LMBR1: variants seen among roughly 807,000 people sequenced by gnomAD.
LMBR1 encodes the protein limb development membrane protein 1.
LMBR1 carries 52 observed loss-of-function variants against 73.9 expected under a neutral mutation model. The observed-to-expected ratio is 0.70, with a 90% CI of 0.56 to 0.89. The LOEUF is 0.89. Among genes scored for constraint, LMBR1 ranks in the 40% least tolerant of loss-of-function variants. The pLI is 0.00. For synonymous variants in LMBR1, 215 were observed against 209.4 expected (o/e 1.03, Z -0.23); for missense variants, 539 against 579.8 (o/e 0.93, Z 0.72).
intron 1 of LMBR1, among the ~76,000 whole-genome samples, chr7:156,890,191 T>C (rs1802643690): frequency 6.6e-6 from 1 of 151,900 alleles, no homozygotes; most frequent in African/African-American, 2.4e-5. Context: ...AAAAAATAAA[T>C]TCGAAATAGA....
At chr7:156,842,338 T>C (rs1173943084) in intron 1 of LMBR1, among the ~76,000 whole-genome samples, 1 of 147,162 alleles carries the variant, frequency 6.8e-6, no homozygotes, top group Non-Finnish European at 1.5e-5. Context: ...GGGAGATTTG[T>C]ACAGGGGGAA....
downstream of LMBR1, chr7:156,675,685 C>A (rs202182456): frequency 6.2e-7 from 1 of 1,605,934 alleles, no homozygotes; most frequent in Non-Finnish European, 8.5e-7. Flanking sequence ...CCGCCCCCGC[C>A]TCCTCCTCAG....
chr7:156,849,614 G>C (rs1028319470), intron 1 of LMBR1, among the ~76,000 whole-genome samples: 2 of 152,090 alleles, frequency 1.3e-5, no homozygotes, highest in Non-Finnish European at 2.9e-5. Context: ...ACTATATTCC[G>C]GAAAAGGCAA....
At chr7:156,812,182 T>C (rs1012241817) in intron 4 of LMBR1, among the ~76,000 whole-genome samples, 1 of 152,146 alleles carries the variant, frequency 6.6e-6, no homozygotes, top group African/African-American at 2.4e-5. Context: ...CTCACCTCAG[T>C]ACATATGGCA....
At chr7:156,700,153 G>T (rs1243549445) in intron 15 of LMBR1, among the ~76,000 whole-genome samples, 2 of 152,082 alleles carry the variant, frequency 1.3e-5, no homozygotes, top group African/African-American at 4.8e-5. Flanking sequence ...CAAATGTCCA[G>T]CAACGATAGA....
chr7:156,728,768 A>T, intron 10 of LMBR1, 48 bp from the exon 11 acceptor site: 1 of 1,303,154 alleles, frequency 7.7e-7, no homozygotes, highest in Non-Finnish European at 1.1e-6. Context: ...CCAAATTAAC[A>T]TTTTCCTTCC....
chr7:156,748,021 G>A (rs12537062), intron 9 of LMBR1: 6,158 of 152,236 alleles, frequency 0.04, 177 homozygotes, highest in Non-Finnish European at 0.049. Flanking sequence ...ATTTCAGCAT[G>A]AACTAACACT....
At chr7:156,801,971 A>T (rs1415983567) in intron 4 of LMBR1, among the ~76,000 whole-genome samples, 1 of 152,174 alleles carries the variant, frequency 6.6e-6, no homozygotes, top group Non-Finnish European at 1.5e-5. Context: ...AGGCAACATA[A>T]ATTCCACCAT....
intron 1 of LMBR1, among the ~76,000 whole-genome samples, chr7:156,859,286 C>T (rs917913768): frequency 6.6e-5 from 10 of 150,960 alleles, no homozygotes; most frequent in African/African-American, 2.4e-4. Flanking sequence ...TCTCCCAAGA[C>T]TGGAATCAAG....
chr7:156,679,661 C>T lies in LMBR1; in HGVS notation c.*4417G>A, dbSNP rs1246847367. On this transcript the variant is annotated 3_prime_UTR_variant, in exon 17 of 17. Transcript: ENST00000353442. ...AACTGTTAAAACTTCAGTTCTCAGACCCATAGCCCACACGTGACTCTCCAC... is the reference window on the plus strand; with the variant it reads ...AACTGTTAAAACTTCAGTTCTCAGATCCATAGCCCACACGTGACTCTCCAC... 2 of 152,190 alleles carry T rather than the reference C, an allele frequency of 1.3e-5. No homozygotes were observed. The highest frequency in any genetic ancestry group is 2.9e-5 in the Non-Finnish European group (2 of 68,078). The allele number at this position is 152,190 out of a possible 1,614,324, so 9.4% of individuals were successfully genotyped here.
intron 1 of LMBR1, among the ~76,000 whole-genome samples, chr7:156,885,160 T>C (rs200227969): frequency 6.6e-6 from 1 of 151,680 alleles, no homozygotes; most frequent in Admixed American, 6.6e-5. Context: ...CAAGACCAGC[T>C]TGGCCAACAT....
chr7:156,712,404 C>T (rs751892194), intron 15 of LMBR1, among the ~76,000 whole-genome samples: 3 of 152,138 alleles, frequency 2.0e-5, no homozygotes, highest in Admixed American at 6.5e-5. Context: ...CACTTCTATA[C>T]GGTTGGTGGG....
chr7:156,871,179 G>T (rs1003842265), intron 1 of LMBR1, among the ~76,000 whole-genome samples: 5 of 152,060 alleles, frequency 3.3e-5, no homozygotes, highest in Admixed American at 6.6e-5. Flanking sequence ...CAACAAACTG[G>T]ATAATCTAGA....
chr7:156,720,915 A>G (rs1219802888), intron 15 of LMBR1, among the ~76,000 whole-genome samples: 2 of 152,030 alleles, frequency 1.3e-5, no homozygotes, highest in African/African-American at 4.8e-5. Flanking sequence ...AGCCCAGGGT[A>G]CAGATAAATA....
At chr7:156,865,961 A>C (rs958050418) in intron 1 of LMBR1, among the ~76,000 whole-genome samples, 4 of 152,196 alleles carry the variant, frequency 2.6e-5, no homozygotes, top group African/African-American at 9.6e-5. Context: ...ATCTAAATGT[A>C]AGAGCTAAAC....
chr7:156,739,782 C>T (rs1308009813), intron 9 of LMBR1, among the ~76,000 whole-genome samples: 2 of 152,148 alleles, frequency 1.3e-5, no homozygotes, highest in Non-Finnish European at 2.9e-5. Flanking sequence ...AAGACAGGCA[C>T]ATACAAGCCC....
chr7:156,893,167 G>T lies in LMBR1; in HGVS notation c.-174C>A. The stretch of plus-strand genomic sequence containing the variant: ...ACCGGCCGTCGCCTCAGCAGCCTCA[G>T]ACGAGCAGCTCTGACTAAGGGAGGG... On this transcript the variant is annotated 5_prime_UTR_variant, in exon 1 of 17. In the 5' UTR this introduces an upstream ATG that the reference lacks. Transcript: ENST00000353442. 1 of 504,576 alleles carries T rather than the reference G, an allele frequency of 2.0e-6. No individual in the cohort carries two copies. Among genetic ancestry groups the T allele is most frequent in the Non-Finnish European group, 3.1e-6 (1 of 321,034 alleles). 31.3% of individuals were successfully genotyped at this position (504,576 alleles called of 1,614,324 possible).
intron 15 of LMBR1, among the ~76,000 whole-genome samples, chr7:156,704,382 A>G (rs967718292): frequency 7.9e-5 from 12 of 152,178 alleles, no homozygotes; most frequent in Non-Finnish European, 2.9e-5. Context: ...ATCACTGCAC[A>G]TCCTGAAACA....
intron 1 of LMBR1, among the ~76,000 whole-genome samples, chr7:156,888,656 G>A (rs1231465030): frequency 3.3e-5 from 5 of 152,018 alleles, no homozygotes; most frequent in African/African-American, 9.7e-5. Flanking sequence ...GTTGGCTCCC[G>A]CCTGTAATCC....
Sources: gnomAD v4.1 joint callset for allele counts (sites outside exome capture counted in the v4.1 genomes callset) on GRCh38, gnomAD v4.1.1 for gene constraint, MANE v1.5 for transcripts, NCBI Gene and HGNC (gene_info 2026-07-23, HGNC 2026-07-21) for gene names.